RFTN1: variants seen among roughly 807,000 people sequenced by gnomAD.
RFTN1 encodes the protein raftlin, lipid raft linker 1, also known as raftlin.
RFTN1 carries 26 observed loss-of-function variants against 46.5 expected under a neutral mutation model. That is an observed-to-expected ratio of 0.56 (90% CI 0.41 to 0.78). The LOEUF (loss-of-function observed/expected upper bound fraction) is 0.78, where lower values mean the gene tolerates loss of function less well. RFTN1 is among the 30% of genes least tolerant of loss of function. The pLI, the probability that RFTN1 is intolerant of heterozygous loss-of-function variation, is 0.00. For missense variants in RFTN1, 693 were observed against 718.7 expected, an observed-to-expected ratio of 0.96 and a Z score of 0.41; for synonymous variants, 261 against 284.2, an observed-to-expected ratio of 0.92 and a Z score of 0.82.
In RFTN1 at chr3:16,448,811, C is replaced by T. The variant is rs1488129259; in HGVS notation, c.146-14774G>A. 1.3e-5 allele frequency among the ~76,000 whole-genome samples: 2 copies of T among 152,222 alleles called. No individual in the cohort carries two copies. The highest frequency in any genetic ancestry group is 1.5e-5 in the Non-Finnish European group (1 of 68,038). ...TCTCACCCCATGCGGGGATTACAGG[C>T]TGCGACTCACTGCTCTAGCAAAACT... On this transcript the variant is annotated intron_variant, in intron 2 of 9. Coordinates refer to ENST00000334133, the MANE Select transcript of RFTN1 (RefSeq NM_015150.2). The surrounding 1 kb of genome is among the most constrained non-coding windows in gnomAD (Gnocchi z 4.1).
rs945055097 is a variant in RFTN1 at position 16,452,166 on chromosome 3, A to G, written c.146-18129T>C. On this transcript the variant is annotated intron_variant, in intron 2 of 9. Coordinates refer to ENST00000334133, the MANE Select transcript of RFTN1 (RefSeq NM_015150.2). This position sits in a 1 kb window ranked among gnomAD's most constrained non-coding sequence, Gnocchi z 6.3. ...TCATATTTTGGAAACACGGTTGACT[A>G]TAGGTAACCAAAACCACAGAAAATG... Among the ~76,000 whole-genome samples the G allele has an allele frequency of 6.6e-6, 1 of 152,220 alleles. No individual in the cohort carries two copies. The highest frequency in any genetic ancestry group is 6.5e-5 in the Admixed American group (1 of 15,280).
intron 6 of RFTN1, among the ~76,000 whole-genome samples, chr3:16,368,308 C>T (rs2073327101): frequency 6.6e-6 from 1 of 152,148 alleles, no homozygotes; most frequent in African/African-American, 2.4e-5. Context: ...GGAGGGCTTC[C>T]TTGTGTAGAG....
At position 16,500,115 on chromosome 3, in the gene RFTN1, G is replaced by T. The variant is rs1039466738; in HGVS notation, c.-8-6238C>A. ...CTGACTTTTTCTCTGGTTGTTGCTT[G>T]TTTTTGTAAAAAACACATGCTAAAA... On this transcript the variant is annotated intron_variant, in intron 1 of 9. Transcript: ENST00000334133. The surrounding 1 kb of genome is among the most constrained non-coding windows in gnomAD (Gnocchi z 5.9). Among the ~76,000 whole-genome samples the T allele has an allele frequency of 3.3e-5, 5 of 152,188 alleles. No homozygotes were observed. Among genetic ancestry groups the T allele is most frequent in the Non-Finnish European group, 7.3e-5 (5 of 68,036 alleles).
intron 9 of RFTN1, 103 bp downstream of exon 9, chr3:16,323,273 C>T: frequency 1.2e-6 from 1 of 815,722 alleles, no homozygotes; most frequent in Non-Finnish European, 2.0e-6. Context: ...GCTCTGCGAG[C>T]CCTTGGAAGC....
chr3:16,443,566 G>T lies in RFTN1; in HGVS notation c.146-9529C>A, dbSNP rs1305332565. 6.6e-6 allele frequency among the ~76,000 whole-genome samples: 1 copy of T among 152,098 alleles called. No individual in the cohort carries two copies. Among genetic ancestry groups the T allele is most frequent in the Admixed American group, 6.5e-5 (1 of 15,276 alleles). On this transcript the variant is annotated intron_variant, in intron 2 of 9. Coordinates refer to ENST00000334133, the MANE Select transcript of RFTN1 (RefSeq NM_015150.2). This position sits in a 1 kb window ranked among gnomAD's most constrained non-coding sequence, Gnocchi z 5.5. ...CTTATATAAACCTAAGATTCTGCAG[G>T]TCAATTAGGGAGTAACTGGCAAAGC...
chr3:16,492,778 T>C (rs1318775523), intron 2 of RFTN1, among the ~76,000 whole-genome samples: 4 of 152,334 alleles, frequency 2.6e-5, no homozygotes, highest in African/African-American at 9.6e-5. Context: ...TCTTTTCATT[T>C]GTATGGGTCT....
Position 16,447,797 on chromosome 3 carries a change from A to C in RFTN1, c.146-13760T>G, listed in dbSNP as rs1047912957. 4.6e-5 allele frequency among the ~76,000 whole-genome samples: 7 copies of C among 152,214 alleles called. No homozygotes were observed. The highest frequency in any genetic ancestry group is 5.9e-5 in the Non-Finnish European group (4 of 68,036). On this transcript the variant is annotated intron_variant, in intron 2 of 9. Coordinates refer to ENST00000334133, the MANE Select transcript of RFTN1 (RefSeq NM_015150.2). This position sits in a 1 kb window ranked among gnomAD's most constrained non-coding sequence, Gnocchi z 5.9. ...CGTTGGCACAAGAAGGGAAAGATGG[A>C]TTTTTAATCAGGCAAAGGAATGTAC... is the stretch of plus-strand genomic sequence containing the variant.
Position 16,317,140 on chromosome 3 carries a change from TTC to T in RFTN1, c.1423_1424del (p.Glu475ArgfsTer3), listed in dbSNP as rs753047680. The T allele has an allele frequency of 6.2e-7, 1 of 1,613,840 alleles. No homozygotes were observed. The highest frequency in any genetic ancestry group is 1.7e-5 in the Admixed American group (1 of 59,994). On this transcript the variant is annotated frameshift_variant, in exon 10 of 10. Coordinates refer to ENST00000334133, the MANE Select transcript of RFTN1 (RefSeq NM_015150.2). LOFTEE classifies it low-confidence loss of function (END_TRUNC). This position sits in a 1 kb window ranked among gnomAD's most constrained non-coding sequence, Gnocchi z 4.3. ...GGTCTTCTAAGTTCTTCTCATTTTC[TTC>T]TGCTTGTTGTTTGTCTCTGGCACTG... ...KLSARDKQQA[E>X]ENEKNLEDQS...
chr3:16,422,489 G>C lies in RFTN1; in HGVS notation c.332+11362C>G, dbSNP rs1179908347. ...ACTAAAAATACAAAAAAATTAGCTG[G>C]GCGTGGTGGCACGTGCCTGTAATCC... is the stretch of plus-strand genomic sequence containing the variant. On this transcript the variant is annotated intron_variant, in intron 3 of 9. Coordinates refer to ENST00000334133, the MANE Select transcript of RFTN1 (RefSeq NM_015150.2). The surrounding 1 kb of genome is among the most constrained non-coding windows in gnomAD (Gnocchi z 4.6). 2.0e-5 allele frequency among the ~76,000 whole-genome samples: 3 copies of C among 152,044 alleles called. No individual in the cohort carries two copies. The highest frequency in any genetic ancestry group is 7.2e-5 in the African/African-American group (3 of 41,398).
At position 16,382,308 on chromosome 3, in the gene RFTN1, C is replaced by T. The variant is rs9860109; in HGVS notation, c.442-4206G>A. Among the ~76,000 whole-genome samples the T allele has an allele frequency of 0.026, 3,918 of 152,242 alleles. 155 individuals are homozygous for T. Among genetic ancestry groups the T allele is most frequent in the African/African-American group, 0.088 (3,648 of 41,530 alleles). ...AATATTTGGCTAGATCTAGGGGCCA[C>T]GACTCTTACAGTTCTGTCTTACCCT... On this transcript the variant is annotated intron_variant, in intron 4 of 9. Coordinates refer to ENST00000334133, the MANE Select transcript of RFTN1 (RefSeq NM_015150.2). The surrounding 1 kb of genome is among the most constrained non-coding windows in gnomAD (Gnocchi z 4.7).
intron 5 of RFTN1, 138 bp downstream of exon 5, chr3:16,377,579 TA>T: frequency 7.3e-7 from 1 of 1,367,306 alleles, no homozygotes; most frequent in South Asian, 1.5e-5. Flanking sequence ...AACTGCTTGA[TA>T]AAGTTTCTCC....
rs536723669 is a variant in RFTN1 at position 16,361,533 on chromosome 3, G to C, written c.1031-3486C>G. Among the ~76,000 whole-genome samples the C allele has an allele frequency of 2.6e-5, 4 of 152,128 alleles. No individual in the cohort carries two copies. Among genetic ancestry groups the C allele is most frequent in the Admixed American group, 6.5e-5 (1 of 15,274 alleles). On this transcript the variant is annotated intron_variant, in intron 6 of 9. Coordinates refer to ENST00000334133, the MANE Select transcript of RFTN1 (RefSeq NM_015150.2). The surrounding 1 kb of genome is among the most constrained non-coding windows in gnomAD (Gnocchi z 4.3). Reference sequence around the variant, plus strand: ...GCATCAGGGTAGGGCTCCCCACTTCGAGTGAACTAAGCAAGCAAGGAACAT... The same window carrying C: ...GCATCAGGGTAGGGCTCCCCACTTCCAGTGAACTAAGCAAGCAAGGAACAT...
chr3:16,403,917 TATATA>T lies in RFTN1; in HGVS notation c.441+5453_441+5457del, dbSNP rs1386004939. On this transcript the variant is annotated intron_variant, in intron 4 of 9. Transcript: ENST00000334133. ...TATATTTTATATATATTATATTTTATATATAATATATTATATTTATATATAATATA... is the reference window on the plus strand; with the variant it reads ...TATATTTTATATATATTATATTTTATATATATTATATTTATATATAATATA... 8.4e-4 allele frequency among the ~76,000 whole-genome samples: 6 copies of T among 7,140 alleles called. 1 individual carries two copies. The highest frequency in any genetic ancestry group is 1.0e-3 in the Non-Finnish European group (4 of 3,886). 4.7% of individuals were successfully genotyped at this position (7,140 alleles called of 152,430 possible). A position where few individuals can be genotyped will look rare whatever the true frequency, so the allele number is the denominator to read the frequency against.
At chr3:16,423,955 T>C (rs923598711) in intron 3 of RFTN1, among the ~76,000 whole-genome samples, 1 of 152,162 alleles carries the variant, frequency 6.6e-6, no homozygotes, top group African/African-American at 2.4e-5. Flanking sequence ...CGTAGAACCA[T>C]TATTTGCATA....
rs1016734899 is a variant in RFTN1 at position 16,442,771 on chromosome 3, C to T, written c.146-8734G>A. On this transcript the variant is annotated intron_variant, in intron 2 of 9. Transcript: ENST00000334133. This position sits in a 1 kb window ranked among gnomAD's most constrained non-coding sequence, Gnocchi z 4.1. ...TGACCCCCCAAACTACAGTTCTACT[C>T]TCTGTTTCTGTGTATTTGATTTTTA... Among the ~76,000 whole-genome samples, 2 of 152,182 alleles carry T rather than the reference C, an allele frequency of 1.3e-5. No individual in the cohort carries two copies. The highest frequency in any genetic ancestry group is 4.8e-5 in the African/African-American group (2 of 41,448).
At chr3:16,461,232 T>C (rs1450071991) in intron 2 of RFTN1, among the ~76,000 whole-genome samples, 2 of 152,148 alleles carry the variant, frequency 1.3e-5, no homozygotes, top group Non-Finnish European at 2.9e-5. Context: ...AATTCAAATA[T>C]AGACATTACA....
At position 16,336,466 on chromosome 3, in the gene RFTN1, C is replaced by G. The variant is rs985549301; in HGVS notation, c.1147-9590G>C. ...AGCCAGCACAGCTGGCCTTCCTCAC[C>G]CTCAGCCTCCCAGGCCTCTGCGGGA... On this transcript the variant is annotated intron_variant, in intron 7 of 9. Transcript: ENST00000334133. This position sits in a 1 kb window ranked among gnomAD's most constrained non-coding sequence, Gnocchi z 6.0. 6.6e-6 allele frequency among the ~76,000 whole-genome samples: 1 copy of G among 152,206 alleles called. No homozygotes were observed. Among genetic ancestry groups the G allele is most frequent in the African/African-American group, 2.4e-5 (1 of 41,448 alleles).
In RFTN1 at chr3:16,499,257, G is replaced by A. The variant is rs1219263769; in HGVS notation, c.-8-5380C>T. On this transcript the variant is annotated intron_variant, in intron 1 of 9. Coordinates refer to ENST00000334133, the MANE Select transcript of RFTN1 (RefSeq NM_015150.2). The surrounding 1 kb of genome is among the most constrained non-coding windows in gnomAD (Gnocchi z 4.9). ...TCCTATTGAGCCTATTGAGAGGTGA[G>A]GTCTATGTCAATTACCCTGAATCTG... Among the ~76,000 whole-genome samples the A allele has an allele frequency of 1.3e-5, 2 of 152,178 alleles. No homozygotes were observed. Among genetic ancestry groups the A allele is most frequent in the East Asian group, 3.8e-4 (2 of 5,198 alleles).
At position 16,450,834 on chromosome 3, in the gene RFTN1, G is replaced by A. The variant is rs1173086706; in HGVS notation, c.146-16797C>T. On this transcript the variant is annotated intron_variant, in intron 2 of 9. Transcript: ENST00000334133. This position sits in a 1 kb window ranked among gnomAD's most constrained non-coding sequence, Gnocchi z 4.6. ...AGCCAAAGAGATGGCTGGGAGATGAGGGAGAGGGATGGCAAAGACAGCTCC... is the reference window on the plus strand; with the variant it reads ...AGCCAAAGAGATGGCTGGGAGATGAAGGAGAGGGATGGCAAAGACAGCTCC... 6.6e-6 allele frequency among the ~76,000 whole-genome samples: 1 copy of A among 151,984 alleles called. No individual in the cohort carries two copies.
Sources: gnomAD v4.1 joint callset for allele counts (sites outside exome capture counted in the v4.1 genomes callset) on GRCh38, gnomAD v4.1.1 for gene constraint, Gnocchi (gnomAD v3.1) non-coding constraint, MANE v1.5 for transcripts, NCBI Gene and HGNC (gene_info 2026-07-23, HGNC 2026-07-21) for gene names.